PHF24: variants seen among roughly 807,000 people sequenced by gnomAD.
PHF24 encodes the protein PHD finger protein 24, also known as Galpha inhibitory interacting protein.
Under a neutral mutation model 42.6 loss-of-function variants are expected in PHF24, and 25 were observed. The ratio of observed to expected loss-of-function variants is 0.59; its 90% CI spans 0.43 to 0.82. The LOEUF (loss-of-function observed/expected upper bound fraction) is 0.82, where lower values mean the gene tolerates loss of function less well. Among genes scored for constraint, PHF24 ranks in the 40% least tolerant of loss-of-function variants. PHF24 has a pLI of 0.00. For missense variants in PHF24, 470 were observed against 538.1 expected (o/e 0.87, Z 1.25); for synonymous variants, 185 against 204.8 (o/e 0.90, Z 0.83).
chr9:34,671,703 GAGAT>G, the PHF24 span, among the ~76,000 whole-genome samples: 1 of 152,182 alleles, frequency 6.6e-6, no homozygotes. Context: ...CCAGACCCAA[GAGAT>G]AGACCTCTCA....
chr9:34,715,288 AAG>A, the PHF24 span, among the ~76,000 whole-genome samples: 1 of 152,018 alleles, frequency 6.6e-6, no homozygotes, highest in African/African-American at 2.4e-5. Flanking sequence ...AGCAGGGTAG[AAG>A]AGAGTGAGGA....
the PHF24 span, among the ~76,000 whole-genome samples, chr9:34,776,116 C>T: frequency 8.6e-4 from 131 of 152,218 alleles, no homozygotes; most frequent in East Asian, 0.015. Context: ...TGATTGCCAA[C>T]GGGAATCACC....
chr9:34,976,204 C>G, exon 4 of PHF24: 3 of 1,614,096 alleles, frequency 1.9e-6, no homozygotes, highest in Non-Finnish European at 2.5e-6. Flanking sequence ...CTCACGGAGA[C>G]CTTTCAGCGG....
At chr9:34,913,157 T>C in the PHF24 span, among the ~76,000 whole-genome samples, 1 of 150,326 alleles carries the variant, frequency 6.7e-6, no homozygotes, top group Non-Finnish European at 1.5e-5. Flanking sequence ...GAAAAAAAAA[T>C]TGGAAAAAAA....
At chr9:34,850,235 A>T in the PHF24 span, among the ~76,000 whole-genome samples, 1 of 152,286 alleles carries the variant, frequency 6.6e-6, no homozygotes, top group Middle Eastern at 3.4e-3. Flanking sequence ...ACTTTCAGGT[A>T]CACCAATCAG....
At chr9:34,809,332 T>TG in the PHF24 span, among the ~76,000 whole-genome samples, 17 of 152,252 alleles carry the variant, frequency 1.1e-4, no homozygotes, top group Admixed American at 4.6e-4. This position sits in a 1 kb window ranked among gnomAD's most constrained non-coding sequence, Gnocchi z 4.1. Flanking sequence ...TAGCTATCAG[T>TG]GGCTTAATTA....
At chr9:34,966,050 G>A (rs1020844659) in intron 1 of PHF24, among the ~76,000 whole-genome samples, 3 of 152,124 alleles carry the variant, frequency 2.0e-5, no homozygotes, top group South Asian at 2.1e-4. Flanking sequence ...AGTACCTTCC[G>A]TATAGCCCTA....
chr9:34,814,904 C>A, the PHF24 span, among the ~76,000 whole-genome samples: 1 of 152,158 alleles, frequency 6.6e-6, no homozygotes, highest in Non-Finnish European at 1.5e-5. Context: ...CCATGGCCAG[C>A]TAATTTTTGT....
intron 1 of PHF24, among the ~76,000 whole-genome samples, chr9:34,959,750 T>A (rs1294341868): frequency 6.6e-6 from 1 of 152,038 alleles, no homozygotes; most frequent in African/African-American, 2.4e-5. Flanking sequence ...GGCCTCTGGG[T>A]GTGGTTTTTG....
chr9:34,749,568 A>AT, the PHF24 span, among the ~76,000 whole-genome samples: 42,871 of 146,740 alleles, frequency 0.29, 6,592 homozygotes, highest in Admixed American at 0.35. Flanking sequence ...CCCTGTCTCA[A>AT]TTTTTTTTTT....
At chr9:34,861,083 G>C in the PHF24 span, among the ~76,000 whole-genome samples, 1 of 152,184 alleles carries the variant, frequency 6.6e-6, no homozygotes, top group Non-Finnish European at 1.5e-5. Context: ...TTACCTGAGA[G>C]AAGGCAGCTG....
At chr9:34,798,029 A>T in the PHF24 span, among the ~76,000 whole-genome samples, 2 of 152,152 alleles carry the variant, frequency 1.3e-5, no homozygotes, top group African/African-American at 4.8e-5. Context: ...AGTGATTGTC[A>T]AGGATTAGGG....
the PHF24 span, among the ~76,000 whole-genome samples, chr9:34,809,113 T>C: frequency 3.3e-5 from 5 of 151,890 alleles, no homozygotes; most frequent in African/African-American, 1.2e-4. This position sits in a 1 kb window ranked among gnomAD's most constrained non-coding sequence, Gnocchi z 4.1. Context: ...ATAGTCCTTA[T>C]TGGTAAGTTT....
chr9:34,958,151 C>G (rs1303780059), upstream of PHF24, among the ~76,000 whole-genome samples: 1 of 147,802 alleles, frequency 6.8e-6, no homozygotes, highest in Non-Finnish European at 1.5e-5. This position sits in a 1 kb window ranked among gnomAD's most constrained non-coding sequence, Gnocchi z 4.5. Context: ...GCGCGCCCAC[C>G]GGCCGGCCCA....
At chr9:34,944,473 C>T in the PHF24 span, among the ~76,000 whole-genome samples, 4 of 152,312 alleles carry the variant, frequency 2.6e-5, no homozygotes, top group Middle Eastern at 3.4e-3. Context: ...GGGTAGAGCC[C>T]CTGAGAGGGC....
the PHF24 span, among the ~76,000 whole-genome samples, chr9:34,863,668 A>G: frequency 2.0e-5 from 3 of 152,218 alleles, no homozygotes; most frequent in Admixed American, 6.5e-5. Context: ...CCTCCCAAGG[A>G]GGACAGGTAC....
the PHF24 span, chr9:34,888,984 A>G: frequency 9.3e-5 from 37 of 397,830 alleles, no homozygotes; most frequent in African/African-American, 1.6e-4. Flanking sequence ...TCTATACCAC[A>G]TAAGAAGTAC....
rs780311819 is a variant in PHF24, at chr9:34,971,559, C to T, written c.261C>T (p.Gly87=). 20 of 1,614,112 alleles carry T rather than the reference C, an allele frequency of 1.2e-5. No individual in the cohort carries two copies. Among genetic ancestry groups the T allele is most frequent in the East Asian group, 6.7e-5 (3 of 44,878 alleles). ...GGGAGCGGCTCCGAGATGGGCGCGG[C>T]GTGGAGCCTGAGGAGTTTGACAGGA... The change falls in exon 2 of 8, where the codon GGC becomes GGT. Residue 87 remains glycine, a synonymous_variant. Transcript: ENST00000242315.
chr9:34,884,560 T>G, the PHF24 span, among the ~76,000 whole-genome samples: 6 of 152,074 alleles, frequency 3.9e-5, no homozygotes, highest in Non-Finnish European at 7.4e-5. Context: ...AGGATGAGAC[T>G]CAGAGCATGT....
Sources: allele counts gnomAD v4.1 joint callset (sites outside exome capture counted in the v4.1 genomes callset), GRCh38; gene constraint gnomAD v4.1.1; non-coding constraint Gnocchi (gnomAD v3.1); transcripts MANE v1.5; gene names NCBI Gene and HGNC (gene_info 2026-07-23, HGNC 2026-07-21).